Variants in PRKG2 observed in about 807,000 individuals in gnomAD.
PRKG2 encodes the protein cGMP-dependent protein kinase 2.
Under a neutral mutation model 97.2 loss-of-function variants are expected in PRKG2, and 33 were observed. The observed-to-expected ratio is 0.34, with a 90% CI of 0.26 to 0.45. PRKG2 has a LOEUF of 0.45. Ranked by LOEUF, PRKG2 falls within the 20% of genes least tolerant of loss-of-function variation. The pLI is 1.00. For synonymous variants in PRKG2, 330 were observed against 321.8 expected, an observed-to-expected ratio of 1.03 and a Z score of -0.27; for missense variants, 638 against 900.0, an observed-to-expected ratio of 0.71 and a Z score of 3.73.
At chr4:81,128,885 C>G (rs149750220) in intron 14 of PRKG2, among the ~76,000 whole-genome samples, 20 of 152,182 alleles carry the variant, frequency 1.3e-4, no homozygotes, top group Non-Finnish European at 2.4e-4. Flanking sequence ...TTTGTTTGCT[C>G]TTGCTTCTCT....
At chr4:81,102,260 A>T (rs1469848237) in intron 17 of PRKG2, among the ~76,000 whole-genome samples, 1 of 152,212 alleles carries the variant, frequency 6.6e-6, no homozygotes, top group Middle Eastern at 3.2e-3. Context: ...TGACAATTTG[A>T]CAGCTACATT....
chr4:81,092,162 G>A lies in PRKG2; in HGVS notation c.2193+224C>T, dbSNP rs1161822742. ...TTTGGGACTTAAGTGGCACTGACAT[G>A]TATTTGGTTCTTGACAGGTAAGTTA... On this transcript the variant is annotated intron_variant, in intron 18 of 18. Transcript: ENST00000264399. 2.0e-5 allele frequency among the ~76,000 whole-genome samples: 3 copies of A among 151,874 alleles called. 1 individual carries two copies. The highest frequency in any genetic ancestry group is 4.4e-5 in the Non-Finnish European group (3 of 68,000).
intron 6 of PRKG2, among the ~76,000 whole-genome samples, chr4:81,160,850 C>T (rs112646216): frequency 2.6e-5 from 4 of 152,128 alleles, no homozygotes; most frequent in Middle Eastern, 3.4e-3. Context: ...ACCAAAAGAG[C>T]GACTAAATAT....
At chr4:81,205,467 T>C (rs904408542) in intron 1 of PRKG2, among the ~76,000 whole-genome samples, 7 of 152,204 alleles carry the variant, frequency 4.6e-5, no homozygotes, top group African/African-American at 1.4e-4. Flanking sequence ...GGCATGGAAA[T>C]GTCACAACTT....
chr4:81,101,706 TAAAATA>T (rs779187858), intron 17 of PRKG2, among the ~76,000 whole-genome samples: 10 of 103,370 alleles, frequency 9.7e-5, no homozygotes, highest in Non-Finnish European at 1.9e-4. Flanking sequence ...CCCTAAAACT[TAAAATA>T]TAATAAAAAA....
chr4:81,130,045 G>C (rs763655594), intron 14 of PRKG2, among the ~76,000 whole-genome samples: 2 of 151,998 alleles, frequency 1.3e-5, no homozygotes, highest in Non-Finnish European at 2.9e-5. Flanking sequence ...AAAATCTTTC[G>C]GCATTTGCTT....
intron 6 of PRKG2, among the ~76,000 whole-genome samples, chr4:81,154,789 GAGA>G (rs1748848454): frequency 6.6e-6 from 1 of 152,182 alleles, no homozygotes; most frequent in Non-Finnish European, 1.5e-5. Context: ...GACGAGCTGC[GAGA>G]AGAAGGCTTC....
intron 15 of PRKG2, among the ~76,000 whole-genome samples, chr4:81,106,338 C>T (rs889317046): frequency 6.6e-6 from 1 of 152,150 alleles, no homozygotes; most frequent in South Asian, 2.1e-4. Context: ...AGTTCTAAGA[C>T]AGGAAGCACA....
intron 14 of PRKG2, among the ~76,000 whole-genome samples, chr4:81,112,461 A>G (rs1459961368): frequency 6.6e-6 from 1 of 152,192 alleles, no homozygotes; most frequent in Non-Finnish European, 1.5e-5. Flanking sequence ...TTGGTTTATA[A>G]CAGACTTTTG....
intron 2 of PRKG2, among the ~76,000 whole-genome samples, chr4:81,198,567 A>G (rs1377245089): frequency 6.6e-6 from 1 of 152,096 alleles, no homozygotes; most frequent in Non-Finnish European, 1.5e-5. Flanking sequence ...TGTAGGCTGC[A>G]CAGGCTATAA....
chr4:81,159,005 C>T (rs1749367000), intron 6 of PRKG2, among the ~76,000 whole-genome samples: 2 of 151,800 alleles, frequency 1.3e-5, no homozygotes, highest in Admixed American at 1.3e-4. Flanking sequence ...ACCATAAAAA[C>T]CCTAGAAGAA....
chr4:81,189,258 G>A (rs1752246988), intron 2 of PRKG2, among the ~76,000 whole-genome samples: 1 of 127,690 alleles, frequency 7.8e-6, no homozygotes, highest in South Asian at 2.4e-4. Context: ...TGTCGTTTCT[G>A]TATGTTCTGG....
chr4:81,139,344 C>T (rs1214945948), intron 12 of PRKG2, among the ~76,000 whole-genome samples: 1 of 152,140 alleles, frequency 6.6e-6, no homozygotes, highest in African/African-American at 2.4e-5. Context: ...GTCCCCAATT[C>T]TGCATTAAGT....
rs1741245690 is a variant in PRKG2, at chr4:81,087,995, T to C, written c.*1713A>G. 1.3e-5 allele frequency: 2 copies of C among 152,114 alleles called. No homozygotes were observed. The highest frequency in any genetic ancestry group is 4.1e-4 in the South Asian group (2 of 4,826). The allele number at this position is 152,114 out of a possible 1,614,324, so 9.4% of individuals were successfully genotyped here. A position where few individuals can be genotyped will look rare whatever the true frequency, so the allele number is the denominator to read the frequency against. ...TCTTTATAGGTTGGAAATTTAAAAATATATACATGGAAAAACATACAGTAC... is the reference window on the plus strand; with the variant it reads ...TCTTTATAGGTTGGAAATTTAAAAACATATACATGGAAAAACATACAGTAC... On this transcript the variant is annotated 3_prime_UTR_variant, in exon 19 of 19. Coordinates refer to ENST00000264399, the MANE Select transcript of PRKG2 (RefSeq NM_006259.3).
chr4:81,210,716 A>G (rs1435185292), intron 1 of PRKG2, among the ~76,000 whole-genome samples: 1 of 152,182 alleles, frequency 6.6e-6, no homozygotes, highest in African/African-American at 2.4e-5. Flanking sequence ...TACCCAACTG[A>G]TATGAGACAT....
intron 17 of PRKG2, among the ~76,000 whole-genome samples, chr4:81,099,845 C>T (rs10016905): frequency 1.3e-5 from 2 of 151,930 alleles, no homozygotes; most frequent in Admixed American, 1.3e-4. Flanking sequence ...TCCTTAAGCT[C>T]ATAGGCAACT....
intron 15 of PRKG2, among the ~76,000 whole-genome samples, chr4:81,108,438 T>G (rs945763792): frequency 6.6e-6 from 1 of 151,928 alleles, no homozygotes; most frequent in Admixed American, 6.6e-5. Context: ...AAAAACATTG[T>G]TATGATATAT....
intron 2 of PRKG2, among the ~76,000 whole-genome samples, chr4:81,182,340 C>T (rs1270812148): frequency 6.6e-6 from 1 of 151,756 alleles, no homozygotes; most frequent in African/African-American, 2.4e-5. Flanking sequence ...AAATTAAACA[C>T]CTGTAATAAT....
intron 17 of PRKG2, among the ~76,000 whole-genome samples, chr4:81,096,287 A>G (rs916174220): frequency 2.6e-4 from 40 of 152,164 alleles, no homozygotes; most frequent in African/African-American, 9.2e-4. Context: ...CATGCCTACA[A>G]TCCTAGCACT....
Sources: allele counts gnomAD v4.1 joint callset (sites outside exome capture counted in the v4.1 genomes callset), GRCh38; gene constraint gnomAD v4.1.1; transcripts MANE v1.5; gene names NCBI Gene and HGNC (gene_info 2026-07-23, HGNC 2026-07-21).